The following MAP3K4 variants were observed in gnomAD, a reference collection of about 807,000 sequenced individuals.
MAP3K4 encodes mitogen-activated protein kinase kinase kinase 4.
MAP3K4 carries 67 observed loss-of-function variants against 185.6 expected under a neutral mutation model. The ratio of observed to expected loss-of-function variants is 0.36; its 90% CI spans 0.30 to 0.44. The LOEUF is 0.44. Among genes scored for constraint, MAP3K4 ranks in the 20% least tolerant of loss-of-function variants. The probability of loss-of-function intolerance (pLI) is 1.00; values close to 1 mark genes in which losing one functional copy is unlikely to be tolerated. For synonymous variants in MAP3K4, 702 were observed against 710.4 expected (o/e 0.99, Z 0.19); for missense variants, 1,551 against 1,995.1 (o/e 0.78, Z 4.24).
chr6:161,093,731 C>T lies in MAP3K4; in HGVS notation c.3349-42C>T, dbSNP rs560015402. ...CTACTTACATAATTAAGAAAGTATG[C>T]ATGTTTTCTCTTTACCTTTCCCATT... On this transcript the variant is annotated intron_variant, in intron 14 of 26. Transcript: ENST00000392142. The surrounding 1 kb of genome is among the most constrained non-coding windows in gnomAD (Gnocchi z 5.2). 2 of 1,118,278 alleles carry T rather than the reference C, an allele frequency of 1.8e-6. No individual in the cohort carries two copies. The highest frequency in any genetic ancestry group is 2.7e-6 in the Non-Finnish European group (2 of 740,990). The allele number at this position is 1,118,278 out of a possible 1,614,324, so 69.3% of individuals were successfully genotyped here. A position where few individuals can be genotyped will look rare whatever the true frequency, so the allele number is the denominator to read the frequency against.
chr6:161,089,209 G>A, intron 10 of MAP3K4, 113 bp from the exon 11 acceptor site: 2 of 1,146,294 alleles, frequency 1.7e-6, no homozygotes, highest in Non-Finnish European at 1.2e-6. Context: ...CTGATTAGAT[G>A]GTTGTTGGCC....
rs1210570699 is a variant in MAP3K4 at position 161,088,254 on chromosome 6, C to T, written c.2823+300C>T. Among the ~76,000 whole-genome samples the T allele has an allele frequency of 6.6e-6, 1 of 152,112 alleles. No homozygotes were observed. The highest frequency in any genetic ancestry group is 1.5e-5 in the Non-Finnish European group (1 of 68,018). On this transcript the variant is annotated intron_variant, in intron 10 of 26. Coordinates refer to ENST00000392142, the MANE Select transcript of MAP3K4 (RefSeq NM_005922.4). The surrounding 1 kb of genome is among the most constrained non-coding windows in gnomAD (Gnocchi z 4.5). ...CTATGATCTAAAAGGAGTTATGTCA[C>T]TAATATAATTTGTAGTTCTAGAAAT... is the stretch of plus-strand genomic sequence containing the variant.
intron 2 of MAP3K4, among the ~76,000 whole-genome samples, chr6:161,038,754 G>C (rs2114732396): frequency 6.6e-6 from 1 of 152,344 alleles, no homozygotes; most frequent in East Asian, 1.9e-4. Flanking sequence ...CAGTTGGCTG[G>C]AAACATCCTG....
chr6:161,092,214 T>C (rs1207440244), intron 13 of MAP3K4, 71 bp downstream of exon 13: 3 of 1,551,270 alleles, frequency 1.9e-6, no homozygotes, highest in Non-Finnish European at 2.6e-6. Context: ...ATATGTTCTG[T>C]GGGATTCTTT....
At position 161,115,333 on chromosome 6, in the gene MAP3K4, T is replaced by C. The variant is rs1778544032; in HGVS notation, c.4806+31T>C. 1 of 1,562,694 alleles carries C rather than the reference T, an allele frequency of 6.4e-7. No homozygotes were observed. The highest frequency in any genetic ancestry group is 8.7e-7 in the Non-Finnish European group (1 of 1,149,476). On this transcript the variant is annotated intron_variant, in intron 26 of 26. Transcript: ENST00000392142. This position sits in a 1 kb window ranked among gnomAD's most constrained non-coding sequence, Gnocchi z 6.0. The stretch of plus-strand genomic sequence containing the variant: ...GCAGATTACTGGATAGTCTTTTTCA[T>C]GTTTAAGTGTTTAAGTTCTGTTTTG...
intron 25 of MAP3K4, among the ~76,000 whole-genome samples, chr6:161,113,890 C>T (rs192806594): frequency 1.1e-3 from 164 of 150,378 alleles, no homozygotes; most frequent in African/African-American, 3.9e-3. Flanking sequence ...CTCCGCCTCC[C>T]GGGTTCAAGC....
chr6:161,026,586 C>T (rs1782673520), intron 1 of MAP3K4, among the ~76,000 whole-genome samples: 1 of 152,000 alleles, frequency 6.6e-6, no homozygotes, highest in Non-Finnish European at 1.5e-5. Flanking sequence ...AATAAAGCAC[C>T]CCTGCAATAT....
rs1782171016 is a variant in MAP3K4 at position 161,017,514 on chromosome 6, T to G, written c.153-16745T>G. 6.6e-6 allele frequency among the ~76,000 whole-genome samples: 1 copy of G among 152,188 alleles called. No homozygotes were observed. Among genetic ancestry groups the G allele is most frequent in the Non-Finnish European group, 1.5e-5 (1 of 68,026 alleles). The stretch of plus-strand genomic sequence containing the variant: ...AAATAGTATTAGGTTTGTAAAAGCC[T>G]AAGTTTTAGAGTTTTTATATGCCTA... On this transcript the variant is annotated intron_variant, in intron 1 of 26. Transcript: ENST00000392142. This position sits in a 1 kb window ranked among gnomAD's most constrained non-coding sequence, Gnocchi z 5.1.
rs1009960466 is a variant in MAP3K4, at chr6:161,053,520, C to T, written c.1707+3541C>T. Among the ~76,000 whole-genome samples the T allele has an allele frequency of 6.6e-6, 1 of 152,236 alleles. No homozygotes were observed. Among genetic ancestry groups the T allele is most frequent in the Non-Finnish European group, 1.5e-5 (1 of 68,052 alleles). On this transcript the variant is annotated intron_variant, in intron 3 of 26. Transcript: ENST00000392142. The surrounding 1 kb of genome is among the most constrained non-coding windows in gnomAD (Gnocchi z 4.2). ...TAAGATATCTTCTGCCTTTTAACCT[C>T]TGCCAAATAATTGTACATTTTAAGG...
chr6:161,052,181 TCTTCCTTC>T (rs1391138346), intron 3 of MAP3K4, among the ~76,000 whole-genome samples: 1 of 148,826 alleles, frequency 6.7e-6, no homozygotes, highest in African/African-American at 2.5e-5. Context: ...CCCCAAATTG[TCTTCCTTC>T]CTCTCCAGGC....
chr6:161,100,974 TG>T lies in MAP3K4; in HGVS notation c.3675-917del, dbSNP rs893740465. On this transcript the variant is annotated intron_variant, in intron 17 of 26. Coordinates refer to ENST00000392142, the MANE Select transcript of MAP3K4 (RefSeq NM_005922.4). This position sits in a 1 kb window ranked among gnomAD's most constrained non-coding sequence, Gnocchi z 5.8. ...AGAAAAAAATGCATATTTTATAATT[TG>T]TAAATGTCTGTGCAATAGATCATGT... 212 of 152,356 alleles carry T rather than the reference TG, an allele frequency of 1.4e-3. No individual in the cohort carries two copies. The highest frequency in any genetic ancestry group is 4.9e-3 in the African/African-American group (203 of 41,586). 9.4% of individuals were successfully genotyped at this position (152,356 alleles called of 1,614,324 possible).
At chr6:161,047,746 G>A (rs75938746) in intron 2 of MAP3K4, among the ~76,000 whole-genome samples, 6,784 of 152,188 alleles carry the variant, frequency 0.045, 188 homozygotes, top group Non-Finnish European at 0.053. Flanking sequence ...GAACCCAGAA[G>A]CAACAGAATG....
intron 1 of MAP3K4, 157 bp downstream of exon 1, chr6:160,992,240 C>G: frequency 9.8e-7 from 1 of 1,022,688 alleles, no homozygotes; most frequent in Middle Eastern, 3.2e-4. Context: ...ATCCCTGGGT[C>G]CCAGGGGACC....
Position 161,030,654 on chromosome 6 carries a change from A to G in MAP3K4, c.153-3605A>G, listed in dbSNP as rs569308480. On this transcript the variant is annotated intron_variant, in intron 1 of 26. Transcript: ENST00000392142. ...GGTCTCAAACTCCTGAGCACAAGCA[A>G]TTTGCCCACCTCAGCCTCCCCAGGT... Among the ~76,000 whole-genome samples, 282 of 152,198 alleles carry G rather than the reference A, an allele frequency of 1.9e-3. 1 individual carries two copies. Among genetic ancestry groups the G allele is most frequent in the African/African-American group, 5.4e-3 (226 of 41,530 alleles).
Position 161,093,908 on chromosome 6 carries a change from C to A in MAP3K4, c.3427+57C>A, listed in dbSNP as rs945263043. 3 of 1,292,502 alleles carry A rather than the reference C, an allele frequency of 2.3e-6. No homozygotes were observed. The highest frequency in any genetic ancestry group is 3.0e-5 in the African/African-American group (2 of 67,678). The allele number at this position is 1,292,502 out of a possible 1,614,324, so 80.1% of individuals were successfully genotyped here. A position where few individuals can be genotyped will look rare whatever the true frequency, so the allele number is the denominator to read the frequency against. On this transcript the variant is annotated intron_variant, in intron 15 of 26. Transcript: ENST00000392142. The surrounding 1 kb of genome is among the most constrained non-coding windows in gnomAD (Gnocchi z 5.2). ...AACATAATGATTTGAGTGGACAGAT[C>A]CTCTTGTAATTGCAGTCGTTTAAAA... is the stretch of plus-strand genomic sequence containing the variant.
chr6:160,993,941 C>T (rs1404704391), intron 1 of MAP3K4, among the ~76,000 whole-genome samples: 1 of 152,066 alleles, frequency 6.6e-6, no homozygotes, highest in African/African-American at 2.4e-5. Context: ...GTTGTTTTCT[C>T]TTTTTTATGT....
At position 161,051,215 on chromosome 6, in the gene MAP3K4, G is replaced by A. The variant is rs1464261125; in HGVS notation, c.1707+1236G>A. On this transcript the variant is annotated intron_variant, in intron 3 of 26. Transcript: ENST00000392142. This position sits in a 1 kb window ranked among gnomAD's most constrained non-coding sequence, Gnocchi z 4.2. ...AACCCACGGATATGGAGAGCCAACT[G>A]TATATACTTGTTATTTTTATTTTTT... Among the ~76,000 whole-genome samples, 1 of 152,118 alleles carries A rather than the reference G, an allele frequency of 6.6e-6. No individual in the cohort carries two copies. The highest frequency in any genetic ancestry group is 2.4e-5 in the African/African-American group (1 of 41,416).
Position 161,063,082 on chromosome 6 carries a change from A to G in MAP3K4, c.1708-7526A>G, listed in dbSNP as rs1199317890. Among the ~76,000 whole-genome samples, 1 of 151,872 alleles carries G rather than the reference A, an allele frequency of 6.6e-6. No homozygotes were observed. Among genetic ancestry groups the G allele is most frequent in the Admixed American group, 6.6e-5 (1 of 15,254 alleles). On this transcript the variant is annotated intron_variant, in intron 3 of 26. Coordinates refer to ENST00000392142, the MANE Select transcript of MAP3K4 (RefSeq NM_005922.4). The surrounding 1 kb of genome is among the most constrained non-coding windows in gnomAD (Gnocchi z 5.4). Reference sequence around the variant, plus strand: ...AGTTTTCTTTTGTTGACCTCATTTCAGTGAAGGCATTATCTGTTCTGTTTA... The same window carrying G: ...AGTTTTCTTTTGTTGACCTCATTTCGGTGAAGGCATTATCTGTTCTGTTTA...
At chr6:161,083,655 C>G (rs1277228437) in intron 6 of MAP3K4, among the ~76,000 whole-genome samples, 1 of 152,146 alleles carries the variant, frequency 6.6e-6, no homozygotes, top group Non-Finnish European at 1.5e-5. Flanking sequence ...CATCTTCATG[C>G]TTTTTAATCA....
Sources: gnomAD v4.1 joint callset for allele counts (sites outside exome capture counted in the v4.1 genomes callset) on GRCh38, gnomAD v4.1.1 for gene constraint, Gnocchi (gnomAD v3.1) non-coding constraint, MANE v1.5 for transcripts, NCBI Gene and HGNC (gene_info 2026-07-23, HGNC 2026-07-21) for gene names.